The following CADM2 variants were observed in gnomAD, a reference collection of about 807,000 sequenced individuals.
CADM2 encodes immunoglobulin superfamily member 4D.
A neutral mutation model predicts 49.8 loss-of-function variants in CADM2; 12 were observed. That is an observed-to-expected ratio of 0.24 (90% CI 0.15 to 0.39). The LOEUF is 0.39. CADM2 is among the 10% of genes least tolerant of loss of function. The probability of loss-of-function intolerance (pLI) is 1.00; values close to 1 mark genes in which losing one functional copy is unlikely to be tolerated. For synonymous variants in CADM2, 214 were observed against 175.4 expected (o/e 1.22, Z -1.74); for missense variants, 378 against 492.3 (o/e 0.77, Z 2.20).
At chr3:86,008,021 C>A (rs1731001795) in intron 8 of CADM2, among the ~76,000 whole-genome samples, 1 of 152,092 alleles carries the variant, frequency 6.6e-6, no homozygotes, top group Admixed American at 6.6e-5. Context: ...ACATGGCTAA[C>A]CAGTTCATAA....
At chr3:86,008,418 C>A (rs1460441291) in intron 8 of CADM2, among the ~76,000 whole-genome samples, 1 of 152,072 alleles carries the variant, frequency 6.6e-6, no homozygotes, top group Non-Finnish European at 1.5e-5. Context: ...AGTTTAGAAT[C>A]ATTCTAAATT....
chr3:86,045,655 T>C (rs946638846), intron 8 of CADM2, among the ~76,000 whole-genome samples: 1 of 152,176 alleles, frequency 6.6e-6, no homozygotes, highest in African/African-American at 2.4e-5. Context: ...TTTTTTGATA[T>C]GTCTAAGTGA....
chr3:86,039,009 C>T (rs573319726), intron 8 of CADM2, among the ~76,000 whole-genome samples: 20 of 152,270 alleles, frequency 1.3e-4, no homozygotes, highest in Middle Eastern at 3.4e-3. Flanking sequence ...CTTTGCTCTC[C>T]TCTCTATATG....
chr3:85,150,748 A>T (rs1309802617), intron 1 of CADM2, among the ~76,000 whole-genome samples: 1 of 151,154 alleles, frequency 6.6e-6, no homozygotes, highest in Non-Finnish European at 1.5e-5. Context: ...TAAAAAAAAA[A>T]GGAAAAAAAA....
At chr3:85,073,477 A>G (rs1037266263) in intron 1 of CADM2, among the ~76,000 whole-genome samples, 1 of 152,154 alleles carries the variant, frequency 6.6e-6, no homozygotes, top group Non-Finnish European at 1.5e-5. Flanking sequence ...TAATTTGTTA[A>G]AAAGATAAAA....
At chr3:85,023,392 AT>A (rs1328026749) in intron 1 of CADM2, among the ~76,000 whole-genome samples, 2 of 151,612 alleles carry the variant, frequency 1.3e-5, no homozygotes, top group African/African-American at 4.8e-5. Flanking sequence ...TTCTCAGGCA[AT>A]TTTTCTCTTT....
rs148309030 is a variant in CADM2 at position 85,901,255 on chromosome 3, T to C, written c.530-11118T>C. Among the ~76,000 whole-genome samples, 696 of 152,282 alleles carry C rather than the reference T, an allele frequency of 4.6e-3. 11 individuals are homozygous for C. The highest frequency in any genetic ancestry group is 0.014 in the African/African-American group (590 of 41,562). ...AAAAGACATTAGATCCAAACAATTT[T>C]TCACAATATGATCAAATTGATGTCT... On this transcript the variant is annotated intron_variant, in intron 5 of 9. Coordinates refer to ENST00000383699, the MANE Select transcript of CADM2 (RefSeq NM_001167675.2).
intron 1 of CADM2, among the ~76,000 whole-genome samples, chr3:85,119,259 C>A (rs187661611): frequency 9.2e-5 from 14 of 152,004 alleles, no homozygotes; most frequent in Admixed American, 2.0e-4. Context: ...AAAAAAAATC[C>A]GGGCATTGTG....
At chr3:85,588,775 C>A (rs998127777) in intron 1 of CADM2, among the ~76,000 whole-genome samples, 2 of 151,916 alleles carry the variant, frequency 1.3e-5, no homozygotes, top group Non-Finnish European at 2.9e-5. Flanking sequence ...AGCATCAGGG[C>A]AGACACTCTG....
At chr3:85,137,370 G>C (rs2107620848) in intron 1 of CADM2, among the ~76,000 whole-genome samples, 1 of 151,906 alleles carries the variant, frequency 6.6e-6, no homozygotes, top group South Asian at 2.1e-4. Context: ...TGGTGGTTTA[G>C]CAGAATGTAC....
At chr3:85,631,775 A>G (rs1051392902) in intron 1 of CADM2, among the ~76,000 whole-genome samples, 2 of 152,112 alleles carry the variant, frequency 1.3e-5, no homozygotes, top group African/African-American at 4.8e-5. Flanking sequence ...TTAAAAGTAA[A>G]AACAAAATGA....
At chr3:85,082,239 G>A (rs2037191786) in intron 1 of CADM2, among the ~76,000 whole-genome samples, 2 of 152,036 alleles carry the variant, frequency 1.3e-5, no homozygotes, top group Admixed American at 1.3e-4. Flanking sequence ...TGTAAGGTAG[G>A]AATAGAAAAT....
intron 3 of CADM2, among the ~76,000 whole-genome samples, chr3:85,828,987 G>T (rs2074056186): frequency 6.6e-6 from 1 of 151,732 alleles, no homozygotes; most frequent in South Asian, 2.1e-4. Context: ...GGCTAAGTTG[G>T]GCCCAGAAAT....
At chr3:85,559,581 CT>C (rs2062038981) in intron 1 of CADM2, among the ~76,000 whole-genome samples, 1 of 151,654 alleles carries the variant, frequency 6.6e-6, no homozygotes, top group African/African-American at 2.4e-5. Context: ...GAATTTAATG[CT>C]CCACTTTAAA....
intron 9 of CADM2, 51 bp from the exon 10 acceptor site, chr3:86,066,614 G>T (rs772365339): frequency 1.5e-6 from 2 of 1,321,794 alleles, no homozygotes; most frequent in Non-Finnish European, 2.2e-6. Context: ...TTAATGCTGG[G>T]TATTTTACCA....
At chr3:85,940,089 C>CA (rs1704189681) in intron 7 of CADM2, among the ~76,000 whole-genome samples, 3 of 138,460 alleles carry the variant, frequency 2.2e-5, no homozygotes, top group Non-Finnish European at 4.5e-5. Context: ...GAGATGGAGG[C>CA]AGGAGGATCA....
At chr3:85,352,277 C>G (rs2031427253) in intron 1 of CADM2, among the ~76,000 whole-genome samples, 1 of 151,986 alleles carries the variant, frequency 6.6e-6, no homozygotes, top group African/African-American at 2.4e-5. Flanking sequence ...AAAAGCAGCA[C>G]TAGAAGACAA....
At chr3:85,155,899 A>C (rs1290097709) in intron 1 of CADM2, among the ~76,000 whole-genome samples, 1 of 152,208 alleles carries the variant, frequency 6.6e-6, no homozygotes, top group African/African-American at 2.4e-5. Flanking sequence ...CAATGAGATC[A>C]AAGACACAAC....
chr3:85,370,421 CAAAAT>C (rs71108282), intron 1 of CADM2, among the ~76,000 whole-genome samples: 26,197 of 150,226 alleles, frequency 0.17, 2,638 homozygotes, highest in Non-Finnish European at 0.23. Flanking sequence ...GACTCTGTCT[CAAAAT>C]AAAATAAAAG....
Sources: gnomAD v4.1 joint callset for allele counts (sites outside exome capture counted in the v4.1 genomes callset) on GRCh38, gnomAD v4.1.1 for gene constraint, MANE v1.5 for transcripts, NCBI Gene and HGNC (gene_info 2026-07-23, HGNC 2026-07-21) for gene names.